Variants in STPG2 observed in about 807,000 individuals in gnomAD.
The protein encoded by STPG2 is sperm-tail PG-rich repeat-containing protein 2.
A neutral mutation model predicts 54.2 loss-of-function variants in STPG2; 56 were observed. The ratio of observed to expected loss-of-function variants is 1.03; its 90% confidence interval spans 0.83 to 1.29. The LOEUF (loss-of-function observed/expected upper bound fraction) is 1.29. Ranked by LOEUF, STPG2 falls within the 50% of genes most tolerant of loss-of-function variation. The probability of loss-of-function intolerance (pLI) is 0.00; values close to 1 mark genes in which losing one functional copy is unlikely to be tolerated. For missense variants in STPG2, 596 were observed against 544.9 expected (o/e 1.09, Z -0.93); for synonymous variants, 200 against 181.8 (o/e 1.10, Z -0.81).
intron 10 of STPG2, among the ~76,000 whole-genome samples, chr4:97,571,081 A>G (rs1732588148): frequency 6.6e-6 from 1 of 152,146 alleles, no homozygotes; most frequent in East Asian, 1.9e-4. Context: ...GCTAAAGTTG[A>G]ACTTCTTGGA....
At chr4:98,077,873 C>T (rs910013065) in intron 5 of STPG2, among the ~76,000 whole-genome samples, 1 of 152,086 alleles carries the variant, frequency 6.6e-6, no homozygotes, top group African/African-American at 2.4e-5. Context: ...GAGAGAATCA[C>T]TATGGTAGAA....
chr4:97,558,213 A>C (rs778222831), downstream of STPG2, among the ~76,000 whole-genome samples: 2 of 152,312 alleles, frequency 1.3e-5, no homozygotes, highest in Non-Finnish European at 1.5e-5. Flanking sequence ...GTTGAGAATG[A>C]ATGTGCCAGT....
At chr4:97,895,249 A>G (rs1250747056) in intron 8 of STPG2, among the ~76,000 whole-genome samples, 1 of 151,464 alleles carries the variant, frequency 6.6e-6, no homozygotes, top group Admixed American at 6.6e-5. Flanking sequence ...TGAACTGCCT[A>G]ATCTACACCT....
At chr4:97,541,587 G>A (rs538310388) in intron 4 of STPG2, among the ~76,000 whole-genome samples, 6 of 152,068 alleles carry the variant, frequency 3.9e-5, no homozygotes, top group African/African-American at 7.2e-5. Context: ...ATCAAGCTAC[G>A]AATGATTTTC....
At chr4:97,665,559 T>C (rs985027041) in intron 10 of STPG2, among the ~76,000 whole-genome samples, 3 of 152,102 alleles carry the variant, frequency 2.0e-5, no homozygotes, top group Admixed American at 1.3e-4. Flanking sequence ...TATCAGTCCA[T>C]GGACAGCCAT....
intron 5 of STPG2, among the ~76,000 whole-genome samples, chr4:98,069,063 C>G (rs1187861331): frequency 6.6e-6 from 1 of 151,998 alleles, no homozygotes; most frequent in Non-Finnish European, 1.5e-5. Flanking sequence ...AGTAACCAAA[C>G]ATTTTTACAT....
At chr4:97,686,234 C>T (rs895322953) in intron 10 of STPG2, among the ~76,000 whole-genome samples, 36 of 146,058 alleles carry the variant, frequency 2.5e-4, no homozygotes, top group African/African-American at 8.9e-4. Context: ...TTTCCTTTTT[C>T]TTTTTCTTTT....
At chr4:98,040,224 C>G (rs1017565287) in intron 5 of STPG2, among the ~76,000 whole-genome samples, 4 of 151,678 alleles carry the variant, frequency 2.6e-5, no homozygotes, top group Non-Finnish European at 5.9e-5. Context: ...ATATTAGTCC[C>G]TTGTCAGATG....
chr4:97,733,504 G>A (rs1724873199), intron 9 of STPG2, among the ~76,000 whole-genome samples: 1 of 151,752 alleles, frequency 6.6e-6, no homozygotes, highest in African/African-American at 2.4e-5. Context: ...TTACTCAGGT[G>A]ACAGATAAAA....
chr4:98,056,417 C>T (rs996023752), intron 5 of STPG2, among the ~76,000 whole-genome samples: 1 of 152,176 alleles, frequency 6.6e-6, no homozygotes, highest in Non-Finnish European at 1.5e-5. Context: ...ACTCCTGCAT[C>T]AGCTAGCACT....
intron 4 of STPG2, among the ~76,000 whole-genome samples, chr4:97,450,829 T>C (rs1049906635): frequency 1.3e-5 from 2 of 152,216 alleles, no homozygotes; most frequent in Non-Finnish European, 2.9e-5. Context: ...CACATTATTG[T>C]ATTTTACATT....
At chr4:97,480,678 A>C (rs1459026181) in intron 4 of STPG2, among the ~76,000 whole-genome samples, 2 of 151,486 alleles carry the variant, frequency 1.3e-5, no homozygotes, top group Non-Finnish European at 3.0e-5. Flanking sequence ...CCCTGTGACT[A>C]ATAATGTTAA....
At chr4:98,065,906 C>A (rs1251612770) in intron 5 of STPG2, among the ~76,000 whole-genome samples, 1 of 152,056 alleles carries the variant, frequency 6.6e-6, no homozygotes, top group Non-Finnish European at 1.5e-5. Context: ...CTTGATACAC[C>A]TACCTAGAGA....
chr4:97,651,812 A>G (rs1310501076), intron 10 of STPG2, among the ~76,000 whole-genome samples: 1 of 151,998 alleles, frequency 6.6e-6, no homozygotes, highest in Non-Finnish European at 1.5e-5. Flanking sequence ...TGAACAAGAA[A>G]TGAAAAACAA....
At position 98,143,186 on chromosome 4, in the gene STPG2, G is replaced by C. The variant is rs370035773; in HGVS notation, c.-36C>G. 6.5e-6 allele frequency: 10 copies of C among 1,547,408 alleles called. No individual in the cohort carries two copies. Among genetic ancestry groups the C allele is most frequent in the South Asian group, 3.4e-5 (3 of 88,202 alleles). On this transcript the variant is annotated 5_prime_UTR_variant, in exon 1 of 11. Coordinates refer to ENST00000295268, the MANE Select transcript of STPG2 (RefSeq NM_174952.3). ...GTGGTGGGGGCGCTGGGGAAGGGCA[G>C]GTGCCGAAAACGATAAAAACAAGGT... is the stretch of plus-strand genomic sequence containing the variant.
chr4:97,570,004 A>G (rs1400648944), intron 10 of STPG2, among the ~76,000 whole-genome samples: 2 of 152,096 alleles, frequency 1.3e-5, no homozygotes, highest in African/African-American at 4.8e-5. Context: ...AAAGTACATA[A>G]TCTGATGCTA....
At chr4:97,462,292 TCTTA>T (rs1184318007) in intron 4 of STPG2, among the ~76,000 whole-genome samples, 6 of 152,032 alleles carry the variant, frequency 3.9e-5, no homozygotes, top group African/African-American at 1.2e-4. Context: ...TGTCATATTG[TCTTA>T]CTTATATTAG....
At chr4:97,542,911 G>A (rs1253157630) in intron 4 of STPG2, among the ~76,000 whole-genome samples, 4 of 152,010 alleles carry the variant, frequency 2.6e-5, no homozygotes, top group Non-Finnish European at 4.4e-5. Context: ...ACTCATAGGC[G>A]GGAATTGAAC....
chr4:98,069,305 G>GA (rs1208019411), intron 5 of STPG2, among the ~76,000 whole-genome samples: 4 of 152,008 alleles, frequency 2.6e-5, no homozygotes, highest in Middle Eastern at 3.4e-3. Context: ...ACATCGAGTA[G>GA]TAATTATCTT....
Sources: gnomAD v4.1 joint callset for allele counts (sites outside exome capture counted in the v4.1 genomes callset) on GRCh38, gnomAD v4.1.1 for gene constraint, MANE v1.5 for transcripts, NCBI Gene and HGNC (gene_info 2026-07-23, HGNC 2026-07-21) for gene names.